The following CNBD1 variants were observed in gnomAD, a reference collection of about 807,000 sequenced individuals.
CNBD1 encodes the protein cyclic nucleotide binding domain containing 1, also known as cyclic nucleotide-binding domain-containing protein 1.
Under a neutral mutation model 54.4 loss-of-function variants are expected in CNBD1, and 71 were observed. The ratio of observed to expected loss-of-function variants is 1.30; its 90% CI spans 1.08 to 1.59. CNBD1 has a LOEUF of 1.59. Among genes scored for constraint, CNBD1 ranks in the 40% most tolerant of loss-of-function variants. The pLI, the probability that CNBD1 is intolerant of heterozygous loss-of-function variation, is 0.00. For missense variants in CNBD1, 659 were observed against 518.0 expected (o/e 1.27, Z -2.64); for synonymous variants, 182 against 170.7 (o/e 1.07, Z -0.51).
intron 2 of CNBD1, among the ~76,000 whole-genome samples, chr8:87,422,660 T>A (rs1278389045): frequency 6.6e-6 from 1 of 152,196 alleles, no homozygotes; most frequent in Non-Finnish European, 1.5e-5. Context: ...AGTACCATGC[T>A]GTTTTGGTTA....
intron 4 of CNBD1, among the ~76,000 whole-genome samples, chr8:87,154,338 A>G (rs1291795752): frequency 6.6e-6 from 1 of 152,182 alleles, no homozygotes; most frequent in Non-Finnish European, 1.5e-5. Context: ...AAGACTTAAG[A>G]GGTGATTCTT....
chr8:87,191,193 C>A (rs1813603034), intron 4 of CNBD1, among the ~76,000 whole-genome samples: 2 of 151,924 alleles, frequency 1.3e-5, no homozygotes, highest in Non-Finnish European at 2.9e-5. Flanking sequence ...CAAGAGTCCC[C>A]AGGAAGATGC....
intron 8 of CNBD1, among the ~76,000 whole-genome samples, chr8:87,309,911 A>T (rs1399601936): frequency 6.6e-6 from 1 of 152,192 alleles, no homozygotes; most frequent in Non-Finnish European, 1.5e-5. Context: ...CTCTTCATGG[A>T]TGAAATGATT....
chr8:87,122,680 T>C (rs1408658495), intron 4 of CNBD1, among the ~76,000 whole-genome samples: 2 of 151,820 alleles, frequency 1.3e-5, no homozygotes, highest in Non-Finnish European at 1.5e-5. Context: ...TCGAGTAGTT[T>C]TACAATTTCA....
At chr8:87,405,210 T>G (rs1457841524) in intron 2 of CNBD1, among the ~76,000 whole-genome samples, 1 of 151,996 alleles carries the variant, frequency 6.6e-6, no homozygotes, top group East Asian at 1.9e-4. Context: ...GAGATTTGAG[T>G]GTAATTCCAA....
chr8:86,874,986 T>TTTTATATA (rs1304865331), intron 1 of CNBD1, among the ~76,000 whole-genome samples: 20 of 120,114 alleles, frequency 1.7e-4, no homozygotes, highest in African/African-American at 5.9e-4. Flanking sequence ...GTAAATCAAT[T>TTTTATATA]TATATATATA....
At chr8:87,279,997 T>TGATC (rs2130865764) in intron 6 of CNBD1, among the ~76,000 whole-genome samples, 1 of 151,538 alleles carries the variant, frequency 6.6e-6, no homozygotes, top group Admixed American at 6.6e-5. Flanking sequence ...ATTGAAAAGG[T>TGATC]GATCCTCTTT....
intron 4 of CNBD1, among the ~76,000 whole-genome samples, chr8:87,046,758 C>G (rs1810200690): frequency 6.6e-6 from 1 of 152,180 alleles, no homozygotes; most frequent in South Asian, 2.1e-4. Flanking sequence ...GGGAAGGATC[C>G]TGCTGACAGA....
chr8:87,286,766 T>C (rs929697148), intron 8 of CNBD1, 95 bp downstream of exon 8: 1 of 816,322 alleles, frequency 1.2e-6, no homozygotes, highest in Non-Finnish European at 1.9e-6. Flanking sequence ...ACAATATTTC[T>C]TCATATAAAT....
chr8:87,055,883 T>TTTCC (rs71277912), intron 4 of CNBD1, among the ~76,000 whole-genome samples: 2,069 of 92,888 alleles, frequency 0.022, 32 homozygotes, highest in African/African-American at 0.033. Context: ...CTGCTTGACC[T>TTTCC]TTCCTTCCTT....
intron 5 of CNBD1, among the ~76,000 whole-genome samples, chr8:87,209,495 G>T (rs909444180): frequency 2.0e-5 from 3 of 152,064 alleles, no homozygotes; most frequent in Non-Finnish European, 4.4e-5. Context: ...CTGTAAACTA[G>T]AAAATATTGA....
chr8:86,915,120 G>T lies in CNBD1; in HGVS notation c.272+9926G>T, dbSNP rs180710394. ...GTAGTTTGGGGGAAGGGTTGTGGGT[G>T]GTTAGGAAATGAGTGCTTGCTACTG... On this transcript the variant is annotated intron_variant, in intron 3 of 10. Transcript: ENST00000518476. 3.9e-4 allele frequency among the ~76,000 whole-genome samples: 60 copies of T among 152,212 alleles called. No individual in the cohort carries two copies. In the East Asian group the frequency reaches 9.5e-3, roughly 24 times the overall value.
At chr8:86,956,621 G>A (rs1807778169) in intron 4 of CNBD1, among the ~76,000 whole-genome samples, 1 of 152,042 alleles carries the variant, frequency 6.6e-6, no homozygotes, top group Non-Finnish European at 1.5e-5. Flanking sequence ...TTCATGATTT[G>A]GCTCTGTTTT....
intron 3 of CNBD1, among the ~76,000 whole-genome samples, chr8:86,928,071 G>T (rs909494020): frequency 6.6e-6 from 1 of 152,048 alleles, no homozygotes; most frequent in South Asian, 2.1e-4. Flanking sequence ...TAGATGGGGA[G>T]GTAGAGGGAA....
At chr8:87,215,885 A>G (rs1355326073) in intron 5 of CNBD1, among the ~76,000 whole-genome samples, 1 of 152,156 alleles carries the variant, frequency 6.6e-6, no homozygotes, top group African/African-American at 2.4e-5. Context: ...CCATTAAGCA[A>G]TCACTCACCA....
intron 4 of CNBD1, among the ~76,000 whole-genome samples, chr8:87,064,283 G>T (rs573862817): frequency 1.3e-5 from 2 of 151,624 alleles, no homozygotes; most frequent in Non-Finnish European, 2.9e-5. Context: ...TTGTATATTA[G>T]ATTTTTCTTC....
At chr8:86,870,926 G>A (rs527760982) in intron 1 of CNBD1, among the ~76,000 whole-genome samples, 11 of 152,196 alleles carry the variant, frequency 7.2e-5, no homozygotes, top group Admixed American at 4.6e-4. Flanking sequence ...TAGTCCCAAT[G>A]GAATGTGCCA....
intron 10 of CNBD1, among the ~76,000 whole-genome samples, chr8:87,371,709 G>C (rs62526823): frequency 1.3e-5 from 2 of 151,936 alleles, no homozygotes; most frequent in Non-Finnish European, 1.5e-5. Context: ...ATGTAATCCA[G>C]CGTATAAACA....
intron 8 of CNBD1, among the ~76,000 whole-genome samples, chr8:87,329,954 T>C (rs993365900): frequency 1.3e-5 from 2 of 151,992 alleles, no homozygotes; most frequent in African/African-American, 4.8e-5. Flanking sequence ...AGAGGAGATA[T>C]CTTTACCTTG....
Sources: allele counts gnomAD v4.1 joint callset (sites outside exome capture counted in the v4.1 genomes callset), GRCh38; gene constraint gnomAD v4.1.1; transcripts MANE v1.5; gene names NCBI Gene and HGNC (gene_info 2026-07-23, HGNC 2026-07-21).